The following TRMT2B variants were observed in gnomAD, a reference collection of about 807,000 sequenced individuals.
The protein encoded by TRMT2B is tRNA methyltransferase 2B.
Under a neutral mutation model 39.7 loss-of-function variants are expected in TRMT2B, and 34 were observed. That is an observed-to-expected ratio of 0.86 (90% CI 0.65 to 1.14). The LOEUF (loss-of-function observed/expected upper bound fraction) is 1.14, where lower values mean the gene tolerates loss of function less well. TRMT2B is among the 50% of genes most tolerant of loss of function. TRMT2B has a pLI of 0.00. For missense variants in TRMT2B, 318 were observed against 377.2 expected (o/e 0.84, Z 1.30); for synonymous variants, 132 against 137.3 (o/e 0.96, Z 0.27).
Position 101,021,208 on chromosome X carries a change from G to A in TRMT2B, c.959C>T (p.Ala320Val), listed in dbSNP as rs1373273372. Residue 320 changes from alanine to valine, a missense_variant, in exon 10 of 14, where the codon GCC becomes GTC. Transcript: ENST00000372936. ...LSLKIRISPD[A>V]FFQINTAGAE... Reference sequence around the variant, plus strand: ...ACCAGCTGTGTTAATCTGGAAAAAGGCATCTGGAGAGATGCGGATCTTCAA... The same window carrying A: ...ACCAGCTGTGTTAATCTGGAAAAAGACATCTGGAGAGATGCGGATCTTCAA... 11 of 1,211,390 alleles carry A rather than the reference G, an allele frequency of 9.1e-6. No individual in the cohort carries two copies. Among genetic ancestry groups the A allele is most frequent in the Non-Finnish European group, 1.2e-5 (11 of 895,166 alleles).
the TRMT2B span, chrX:100,986,869 C>A: frequency 8.3e-7 from 1 of 1,201,156 alleles, no homozygotes; most frequent in Admixed American, 2.2e-5. Context: ...TCTAAAGAAG[C>A]TAGTGAAAGA....
intron 7 of TRMT2B, among the ~76,000 whole-genome samples, chrX:101,034,278 A>G (rs1264797177): frequency 9.2e-6 from 1 of 108,119 alleles, no homozygotes; most frequent in Non-Finnish European, 1.9e-5. Flanking sequence ...AGTAGCCAGG[A>G]CTATAGGCGT....
chrX:101,034,154 T>TA, intron 7 of TRMT2B, among the ~76,000 whole-genome samples: 1 of 90,966 alleles, frequency 1.1e-5, no homozygotes, highest in Non-Finnish European at 2.2e-5. Flanking sequence ...CATTTTTTTT[T>TA]TTTTTGAGAC....
At chrX:101,027,327 G>A (rs2087159382) in intron 7 of TRMT2B, among the ~76,000 whole-genome samples, 1 of 109,966 alleles carries the variant, frequency 9.1e-6, no homozygotes, top group African/African-American at 3.3e-5. Flanking sequence ...CGCCTCCCGG[G>A]TTCAAGCGAT....
At chrX:101,037,140 G>A in intron 5 of TRMT2B, 67 bp from the exon 6 acceptor site, 1 of 859,681 alleles carries the variant, frequency 1.2e-6, no homozygotes, top group Non-Finnish European at 1.7e-6. Context: ...TAACAATAAA[G>A]GGAAAGCAGG....
At chrX:101,022,723 G>A (rs1472844426) in intron 8 of TRMT2B, among the ~76,000 whole-genome samples, 3 of 111,179 alleles carry the variant, frequency 2.7e-5, no homozygotes, top group African/African-American at 9.8e-5. Flanking sequence ...CTTGAGCCCA[G>A]CAGTTTGAGG....
intron 5 of TRMT2B, 82 bp downstream of exon 5, chrX:101,037,835 A>G (rs2148052450): frequency 9.8e-7 from 1 of 1,023,778 alleles, no homozygotes; most frequent in East Asian, 3.1e-5. Flanking sequence ...CCTGGTCCCT[A>G]GCAAGTACCC....
rs1052314989 is a variant in TRMT2B at position 101,051,346 on chromosome X, G to C, written c.-119C>G. The C allele has an allele frequency of 1.3e-6, 1 of 751,935 alleles. No homozygotes were observed. The highest frequency in any genetic ancestry group is 1.6e-6 in the Non-Finnish European group (1 of 638,995). The allele number at this position is 751,935 out of a possible 1,213,427, so 62.0% of individuals were successfully genotyped here. A position where few individuals can be genotyped will look rare whatever the true frequency, so the allele number is the denominator to read the frequency against. On this transcript the variant is annotated 5_prime_UTR_variant, in exon 2 of 14. Transcript: ENST00000372936. ...TGCTCACCCTTCCTTCAGCTGGACC[G>C]GCTCCAGACACTATTCCTTGCTAAA...
In TRMT2B at chrX:101,037,919, AG is replaced by A. The variant is rs1332712013; in HGVS notation, c.435del (p.Ser146LeufsTer15). 8.3e-7 allele frequency: 1 copy of A among 1,208,539 alleles called. No homozygotes were observed. The highest frequency in any genetic ancestry group is 3.0e-5 in the East Asian group (1 of 33,755). ...GGAATAGGGAGGTGGGGGCTTACAG[AG>A]GGTATAATAGGATGGAGAAGACAAG... is the stretch of plus-strand genomic sequence containing the variant. ...RLSCLLHPII[P>X]SPVINGYRNK... On this transcript the variant is annotated frameshift_variant, in exon 5 of 14. Transcript: ENST00000372936. LOFTEE classifies it high-confidence loss of function.
intron 7 of TRMT2B, among the ~76,000 whole-genome samples, chrX:101,027,705 A>G (rs1168249453): frequency 1.8e-5 from 2 of 111,337 alleles, no homozygotes; most frequent in Non-Finnish European, 3.8e-5. Context: ...ATAATTTTAA[A>G]TGACATCTAC....
chrX:101,019,866 G>A (rs774889134), intron 11 of TRMT2B, among the ~76,000 whole-genome samples: 1 of 109,457 alleles, frequency 9.1e-6, no homozygotes, highest in South Asian at 4.0e-4. Flanking sequence ...TCCTGACCTC[G>A]TGATCCACCC....
At chrX:101,022,155 G>T in intron 8 of TRMT2B, 93 bp from the exon 9 acceptor site, 2 of 568,691 alleles carry the variant, frequency 3.5e-6, no homozygotes, top group Non-Finnish European at 6.0e-6. Context: ...GCAGTAGTCA[G>T]ATGTGAAGAC....
chrX:100,990,355 CAG>C, the TRMT2B span: 1 of 926,704 alleles, frequency 1.1e-6, no homozygotes, highest in Non-Finnish European at 1.3e-6. Flanking sequence ...AAGAAAGTAA[CAG>C]AGAAAGTAAA....
intron 2 of TRMT2B, among the ~76,000 whole-genome samples, chrX:101,048,119 C>CACACACAA (rs1556364087): frequency 3.0e-5 from 2 of 66,158 alleles, no homozygotes; most frequent in African/African-American, 6.9e-5. Context: ...CACATACACA[C>CACACACAA]ACACACACAC....
At chrX:100,991,042 G>A in the TRMT2B span, among the ~76,000 whole-genome samples, 2 of 111,889 alleles carry the variant, frequency 1.8e-5, no homozygotes, top group African/African-American at 3.2e-5. Context: ...AGTGGTAGTG[G>A]TAGTAGTTAT....
downstream of TRMT2B, among the ~76,000 whole-genome samples, chrX:101,009,144 TAAG>T (rs1028586988): frequency 3.7e-4 from 41 of 112,183 alleles, no homozygotes; most frequent in African/African-American, 1.3e-3. Flanking sequence ...CATATTTTTC[TAAG>T]AAGGAGGCTT....
chrX:101,020,651 T>C, intron 10 of TRMT2B, 63 bp from the exon 11 acceptor site: 1 of 918,301 alleles, frequency 1.1e-6, no homozygotes, highest in East Asian at 3.1e-5. Context: ...AGTTTGTTTG[T>C]TTTTTGTTTA....
At chrX:100,980,711 G>A in the TRMT2B span, among the ~76,000 whole-genome samples, 1 of 111,956 alleles carries the variant, frequency 8.9e-6, no homozygotes, top group African/African-American at 3.2e-5. Context: ...CCTGAAGCCA[G>A]CACAATACCA....
At chrX:101,019,554 A>C in intron 11 of TRMT2B, 151 bp from the exon 12 acceptor site, 1 of 683,102 alleles carries the variant, frequency 1.5e-6, no homozygotes, top group Non-Finnish European at 2.1e-6. Context: ...GCTTTTGGAC[A>C]GACCCACTTC....
Sources: allele counts gnomAD v4.1 joint callset (sites outside exome capture counted in the v4.1 genomes callset), GRCh38; gene constraint gnomAD v4.1.1; transcripts MANE v1.5; gene names NCBI Gene and HGNC (gene_info 2026-07-23, HGNC 2026-07-21).